KLHL32: variants seen among roughly 807,000 people sequenced by gnomAD.
The protein encoded by KLHL32 is kelch like family member 32.
KLHL32 carries 35 observed loss-of-function variants against 64.8 expected under a neutral mutation model. The observed-to-expected ratio is 0.54, with a 90% CI of 0.41 to 0.72. KLHL32 has a LOEUF of 0.72. Among genes scored for constraint, KLHL32 ranks in the 30% least tolerant of loss-of-function variants. KLHL32 has a pLI of 0.00. For missense variants in KLHL32, 589 were observed against 768.5 expected, an observed-to-expected ratio of 0.77 and a Z score of 2.76; for synonymous variants, 259 against 281.0, an observed-to-expected ratio of 0.92 and a Z score of 0.78.
the KLHL32 span, among the ~76,000 whole-genome samples, chr6:96,919,163 A>T: frequency 2.0e-5 from 3 of 152,204 alleles, no homozygotes; most frequent in Non-Finnish European, 4.4e-5. Context: ...AAGCTTGCAT[A>T]TTCAGGTTTT....
chr6:97,017,313 G>GCTAT (rs1228442257), intron 3 of KLHL32, among the ~76,000 whole-genome samples: 1 of 152,230 alleles, frequency 6.6e-6, no homozygotes, highest in Non-Finnish European at 1.5e-5. Flanking sequence ...AGATAGCATA[G>GCTAT]CTAATTTCAG....
At chr6:97,086,488 C>T (rs942211078) in intron 6 of KLHL32, among the ~76,000 whole-genome samples, 8 of 152,112 alleles carry the variant, frequency 5.3e-5, no homozygotes, top group African/African-American at 1.4e-4. Context: ...GACAGCAGGC[C>T]TGAAAGAATG....
intron 1 of KLHL32, among the ~76,000 whole-genome samples, chr6:96,937,444 GA>G (rs1471479614): frequency 3.3e-5 from 5 of 152,206 alleles, no homozygotes; most frequent in African/African-American, 1.2e-4. Flanking sequence ...AGGACATGGG[GA>G]AATTGGACAG....
At position 97,114,010 on chromosome 6, in the gene KLHL32, A is replaced by G. The variant is rs112680732; in HGVS notation, c.855A>G (p.Arg285=). The stretch of plus-strand genomic sequence containing the variant: ...GGCAGACTCGCAGGACCAAACCACG[A>G]TTCCAGTCAGACACTCTGTATATCA... ...PVWQTRRTKP[R]FQSDTLYIIG... is the part of the protein sequence containing the mutation. Residue 285 remains arginine, a synonymous_variant, in exon 7 of 11, where the codon CGA becomes CGG. Transcript: ENST00000369261. 2.7e-3 allele frequency: 4,389 copies of G among 1,614,202 alleles called. 94 individuals carry two copies. The African/African-American group carries it at 0.05, about 19-fold the overall frequency.
At position 97,041,711 on chromosome 6, in the gene KLHL32, T is replaced by C. The variant is rs992346173; in HGVS notation, c.312+112T>C. The stretch of plus-strand genomic sequence containing the variant: ...ATTGTTCTTGTTACTCATTTTGATG[T>C]TAAAAATAAGATTCACATCCTCTTA... On this transcript the variant is annotated intron_variant, in intron 4 of 10. Transcript: ENST00000369261. The C allele has an allele frequency of 8.1e-6, 5 of 617,524 alleles. No homozygotes were observed. In the African/African-American group the frequency reaches 9.2e-5, roughly 11 times the overall value. 38.3% of individuals were successfully genotyped at this position (617,524 alleles called of 1,614,324 possible).
intron 4 of KLHL32, among the ~76,000 whole-genome samples, chr6:97,046,030 T>C (rs534679167): frequency 6.6e-6 from 1 of 152,316 alleles, no homozygotes; most frequent in Non-Finnish European, 1.5e-5. Flanking sequence ...GTTGCAATTA[T>C]TCTGTCCAAA....
intron 3 of KLHL32, among the ~76,000 whole-genome samples, chr6:97,005,866 T>C (rs368631041): frequency 3.3e-5 from 5 of 152,144 alleles, no homozygotes; most frequent in Non-Finnish European, 7.4e-5. Flanking sequence ...TTCAGTTTTT[T>C]ATTTTTTTTA....
intron 6 of KLHL32, among the ~76,000 whole-genome samples, chr6:97,085,676 G>A (rs556156069): frequency 1.3e-5 from 2 of 152,286 alleles, no homozygotes; most frequent in African/African-American, 4.8e-5. Context: ...ACAAAAAAAT[G>A]GATTGTAAAG....
intron 4 of KLHL32, among the ~76,000 whole-genome samples, chr6:97,049,039 A>G (rs2128134353): frequency 6.6e-6 from 1 of 152,324 alleles, no homozygotes; most frequent in Middle Eastern, 3.4e-3. Context: ...AGTGAAATCC[A>G]CATTTTAAGG....
chr6:97,057,172 CTTTTTTTTTTTTTTTTT>C lies in KLHL32; in HGVS notation c.313-7443_313-7427del, dbSNP rs199552121. Among the ~76,000 whole-genome samples the C allele has an allele frequency of 2.2e-3, 140 of 64,996 alleles. 20 individuals carry two copies. The East Asian group carries it at 0.046, about 21-fold the overall frequency. 42.6% of individuals were successfully genotyped at this position (64,996 alleles called of 152,430 possible). A position where few individuals can be genotyped will look rare whatever the true frequency, so the allele number is the denominator to read the frequency against. ...AAATGCAGTTTTCCTATGTGAGTAT[CTTTTTTTTTTTTTTTTT>C]TTTTTTTTTTTTGAGACGGAGTTTC... On this transcript the variant is annotated intron_variant, in intron 4 of 10. Transcript: ENST00000369261.
intron 7 of KLHL32, among the ~76,000 whole-genome samples, chr6:97,114,765 T>G (rs1215169789): frequency 6.6e-6 from 1 of 152,186 alleles, no homozygotes; most frequent in African/African-American, 2.4e-5. Context: ...TCACAACTGT[T>G]TTTTTCCTAC....
At chr6:96,906,036 T>C in the KLHL32 span, among the ~76,000 whole-genome samples, 1 of 152,218 alleles carries the variant, frequency 6.6e-6, no homozygotes, top group Non-Finnish European at 1.5e-5. Flanking sequence ...TGTTAGCTTC[T>C]GTCTCCATTG....
At chr6:97,044,049 G>A (rs950106927) in intron 4 of KLHL32, among the ~76,000 whole-genome samples, 2 of 151,842 alleles carry the variant, frequency 1.3e-5, no homozygotes, top group African/African-American at 4.8e-5. Flanking sequence ...TGGTCAAAAT[G>A]GGCATACTTG....
chr6:97,137,278 C>T (rs575749510), intron 10 of KLHL32, among the ~76,000 whole-genome samples: 1 of 152,170 alleles, frequency 6.6e-6, no homozygotes, highest in South Asian at 2.1e-4. Context: ...GTCAAAACAA[C>T]TGTAAATGTG....
intron 3 of KLHL32, among the ~76,000 whole-genome samples, chr6:96,991,339 G>A (rs1562222757): frequency 6.6e-6 from 1 of 152,160 alleles, no homozygotes; most frequent in Admixed American, 6.5e-5. Context: ...AATACAGGGT[G>A]GGAGCTCACA....
chr6:97,112,037 G>C (rs987121089), intron 6 of KLHL32, among the ~76,000 whole-genome samples: 2 of 152,014 alleles, frequency 1.3e-5, no homozygotes, highest in African/African-American at 4.8e-5. Flanking sequence ...AGGATGGGGG[G>C]GTGGGGTGGA....
chr6:96,997,622 A>G (rs1465256875), intron 3 of KLHL32, among the ~76,000 whole-genome samples: 1 of 152,150 alleles, frequency 6.6e-6, no homozygotes, highest in East Asian at 1.9e-4. Flanking sequence ...ATGCACCTGC[A>G]GTCTCAGTTT....
At chr6:97,048,845 A>AT (rs1274442955) in intron 4 of KLHL32, among the ~76,000 whole-genome samples, 1 of 152,226 alleles carries the variant, frequency 6.6e-6, no homozygotes, top group Non-Finnish European at 1.5e-5. Flanking sequence ...ATTGAGCTAA[A>AT]TAGTAGCACA....
intron 3 of KLHL32, among the ~76,000 whole-genome samples, chr6:96,987,766 T>A (rs1252202447): frequency 6.6e-6 from 1 of 151,940 alleles, no homozygotes. Context: ...TATAGACCAA[T>A]GGAACAGAAC....
Sources: gnomAD v4.1 joint callset for allele counts (sites outside exome capture counted in the v4.1 genomes callset) on GRCh38, gnomAD v4.1.1 for gene constraint, MANE v1.5 for transcripts, NCBI Gene and HGNC (gene_info 2026-07-23, HGNC 2026-07-21) for gene names.